Variants in MAK observed in about 807,000 individuals in gnomAD.
The protein encoded by MAK is serine/threonine-protein kinase MAK.
MAK carries 65 observed loss-of-function variants against 82.6 expected under a neutral mutation model. That is an observed-to-expected ratio of 0.79 (90% CI 0.64 to 0.97). The LOEUF (loss-of-function observed/expected upper bound fraction) is 0.97, where lower values mean the gene tolerates loss of function less well. Among genes scored for constraint, MAK ranks in the 50% least tolerant of loss-of-function variants. The probability of loss-of-function intolerance (pLI) is 0.00; values close to 1 mark genes in which losing one functional copy is unlikely to be tolerated. For missense variants in MAK, 703 were observed against 780.2 expected (o/e 0.90, Z 1.18); for synonymous variants, 250 against 274.2 (o/e 0.91, Z 0.87).
intron 1 of MAK, among the ~76,000 whole-genome samples, chr6:10,836,811 C>G (rs550499018): frequency 9.2e-5 from 14 of 152,298 alleles, no homozygotes; most frequent in African/African-American, 3.4e-4. Context: ...TTTCTACAAT[C>G]AAGCTATAAC....
chr6:10,809,697 T>C (rs1018098125), intron 5 of MAK, among the ~76,000 whole-genome samples: 1 of 152,214 alleles, frequency 6.6e-6, no homozygotes, highest in African/African-American at 2.4e-5. Context: ...TTTTCCTCAA[T>C]AGCTGTGTCG....
At chr6:10,824,891 C>T (rs999971167) in intron 2 of MAK, among the ~76,000 whole-genome samples, 1 of 152,192 alleles carries the variant, frequency 6.6e-6, no homozygotes, top group Non-Finnish European at 1.5e-5. Flanking sequence ...CCAAGGAACA[C>T]CACAGCCGAT....
chr6:10,831,190 T>C (rs1392364492), intron 1 of MAK, among the ~76,000 whole-genome samples: 3 of 152,216 alleles, frequency 2.0e-5, no homozygotes, highest in Non-Finnish European at 4.4e-5. Flanking sequence ...TTGATGTCTA[T>C]ATGATATCCA....
rs1039048402 is a variant in MAK, at chr6:10,764,374, T to C, written c.*78A>G. On this transcript the variant is annotated 3_prime_UTR_variant, in exon 15 of 15. Transcript: ENST00000354489. The stretch of plus-strand genomic sequence containing the variant: ...TTCCAGAACTCAGTAGAAATAGACA[T>C]TTGTAGACATTTCCCAGGGTCAAGG... 5 of 1,475,456 alleles carry C rather than the reference T, an allele frequency of 3.4e-6. No individual in the cohort carries two copies. In the Admixed American group the frequency reaches 5.2e-5, roughly 15 times the overall value. The allele number at this position is 1,475,456 out of a possible 1,614,324, so 91.4% of individuals were successfully genotyped here.
chr6:10,792,588 A>G (rs749448194), intron 9 of MAK, among the ~76,000 whole-genome samples: 1 of 152,236 alleles, frequency 6.6e-6, no homozygotes, highest in Non-Finnish European at 1.5e-5. Context: ...CCTGGCTTAG[A>G]GCACACAATG....
At chr6:10,809,727 A>G (rs988142785) in intron 5 of MAK, among the ~76,000 whole-genome samples, 2 of 152,236 alleles carry the variant, frequency 1.3e-5, no homozygotes, top group Admixed American at 6.5e-5. Flanking sequence ...CCCAATAATT[A>G]TAATGTTTAT....
chr6:10,789,753 G>A (rs1326561387), intron 10 of MAK, among the ~76,000 whole-genome samples: 1 of 152,150 alleles, frequency 6.6e-6, no homozygotes, highest in East Asian at 1.9e-4. Flanking sequence ...TGCCTCCTGG[G>A]TTCAAGTTTC....
intron 11 of MAK, 37 bp downstream of exon 11, chr6:10,784,387 T>C (rs778624626): frequency 1.2e-6 from 2 of 1,611,228 alleles, no homozygotes; most frequent in East Asian, 2.2e-5. Context: ...CTATCTATAC[T>C]CTAGTTAGCA....
chr6:10,766,098 G>A (rs774779775), intron 14 of MAK, among the ~76,000 whole-genome samples: 21 of 152,192 alleles, frequency 1.4e-4, no homozygotes, highest in Non-Finnish European at 2.6e-4. Flanking sequence ...GAGGAGGGAT[G>A]TCTGCTTTTT....
At chr6:10,782,538 T>TTTCCCC (rs894178355) in intron 11 of MAK, among the ~76,000 whole-genome samples, 5 of 152,044 alleles carry the variant, frequency 3.3e-5, no homozygotes, top group African/African-American at 9.6e-5. Flanking sequence ...TTTTTTTTCT[T>TTTCCCC]TTCCCCAATT....
intron 1 of MAK, among the ~76,000 whole-genome samples, chr6:10,837,641 CA>C (rs1779237335): frequency 6.6e-6 from 1 of 152,224 alleles, no homozygotes; most frequent in Admixed American, 6.5e-5. Context: ...ATCATTAGAA[CA>C]AATGTCTGTT....
At chr6:10,775,481 C>A (rs1267179521) in intron 11 of MAK, 22 bp from the exon 12 acceptor site, 1 of 1,610,248 alleles carries the variant, frequency 6.2e-7, no homozygotes, top group Non-Finnish European at 8.5e-7. Flanking sequence ...AAAACAACCA[C>A]TTCAAAGGTT....
At chr6:10,795,396 C>T (rs1318023540) in intron 9 of MAK, among the ~76,000 whole-genome samples, 1 of 152,156 alleles carries the variant, frequency 6.6e-6, no homozygotes, top group Non-Finnish European at 1.5e-5. Context: ...GAGCCAAGAT[C>T]GTGCCATTGC....
intron 13 of MAK, among the ~76,000 whole-genome samples, chr6:10,772,518 A>T (rs1773103445): frequency 1.3e-5 from 2 of 151,554 alleles, no homozygotes; most frequent in South Asian, 4.2e-4. Flanking sequence ...TAATTTTTGT[A>T]TTTTTAGTAG....
chr6:10,821,186 C>A (rs916051315), intron 2 of MAK, among the ~76,000 whole-genome samples: 3 of 152,082 alleles, frequency 2.0e-5, no homozygotes, highest in Non-Finnish European at 4.4e-5. Flanking sequence ...TGGGCTCAAG[C>A]AATCTGCCCA....
At chr6:10,819,909 G>A (rs1308522390) in intron 2 of MAK, among the ~76,000 whole-genome samples, 1 of 151,658 alleles carries the variant, frequency 6.6e-6, no homozygotes, top group Non-Finnish European at 1.5e-5. Context: ...TCAGGAGATC[G>A]AGACCATCCT....
chr6:10,823,879 G>A (rs575141435), intron 2 of MAK, among the ~76,000 whole-genome samples: 66 of 152,088 alleles, frequency 4.3e-4, no homozygotes, highest in African/African-American at 1.4e-3. Flanking sequence ...ATCTTAAAGC[G>A]GTATCTAACA....
chr6:10,813,141 T>A lies in MAK; in HGVS notation c.358+503A>T, dbSNP rs1163310261. On this transcript the variant is annotated intron_variant, in intron 5 of 14. Coordinates refer to ENST00000354489, the MANE Select transcript of MAK (RefSeq NM_001242957.3). ...ATATATATATATATATATAAATTTT[T>A]TTTTTTTTTTTTTTTTTTTTTTTTT... Among the ~76,000 whole-genome samples the A allele has an allele frequency of 1.3e-3, 32 of 23,784 alleles. 1 individual carries two copies. Among genetic ancestry groups the A allele is most frequent in the African/African-American group, 0.013 (29 of 2,236 alleles). 15.6% of individuals were successfully genotyped at this position (23,784 alleles called of 152,430 possible).
chr6:10,801,726 T>C (rs1488265664), intron 8 of MAK, among the ~76,000 whole-genome samples, 166 bp downstream of exon 8: 1 of 152,254 alleles, frequency 6.6e-6, no homozygotes, highest in Non-Finnish European at 1.5e-5. Flanking sequence ...AATGATATTA[T>C]ATGCCTAGAA....
Sources: allele counts gnomAD v4.1 joint callset (sites outside exome capture counted in the v4.1 genomes callset), GRCh38; gene constraint gnomAD v4.1.1; transcripts MANE v1.5; gene names NCBI Gene and HGNC (gene_info 2026-07-23, HGNC 2026-07-21).